The following FAT3 variants were observed in gnomAD, a reference collection of about 807,000 sequenced individuals.
FAT3 encodes the protein protocadherin Fat 3.
In FAT3, 95 loss-of-function variants were observed where a neutral mutation model predicts 310.2. That is an observed-to-expected ratio of 0.31 (90% CI 0.26 to 0.36). The LOEUF is 0.36. FAT3 is among the 10% of genes least tolerant of loss of function. The probability of loss-of-function intolerance (pLI) is 1.00; values close to 1 mark genes in which losing one functional copy is unlikely to be tolerated. For synonymous variants in FAT3, 2,314 were observed against 2,192.9 expected (o/e 1.06, Z -1.54); for missense variants, 5,408 against 5,715.6 (o/e 0.95, Z 1.74).
chr11:92,470,200 C>T (rs1213456365), intron 2 of FAT3, among the ~76,000 whole-genome samples: 1 of 152,160 alleles, frequency 6.6e-6, no homozygotes, highest in Non-Finnish European at 1.5e-5. Flanking sequence ...CTCTTCCATA[C>T]TTGACCTTGA....
At chr11:92,812,095 T>A (rs1005980192) in intron 13 of FAT3, among the ~76,000 whole-genome samples, 1 of 152,176 alleles carries the variant, frequency 6.6e-6, no homozygotes, top group African/African-American at 2.4e-5. Context: ...TCCCTGGGTA[T>A]CAATGATTGG....
chr11:92,352,151 T>C lies in FAT3; in HGVS notation c.39T>C (p.Pro13=), dbSNP rs750453908. Residue 13 remains proline (P), a synonymous_variant, in exon 2 of 28, where the codon CCT becomes CCC. Coordinates refer to ENST00000525166, the MANE Select transcript of FAT3 (RefSeq NM_001367949.2). ...TGGGACACTGTGTGGGCACACGGCCTCCTGCTTGTTGCCTCATCCTCCTGC... is the reference window on the plus strand; with the variant it reads ...TGGGACACTGTGTGGGCACACGGCCCCCTGCTTGTTGCCTCATCCTCCTGC... ...IIMGHCVGTR[P]PACCLILLLF... 1 of 1,367,936 alleles carries C rather than the reference T, an allele frequency of 7.3e-7. No individual in the cohort carries two copies. The highest frequency in any genetic ancestry group is 1.1e-5 in the South Asian group (1 of 87,794). The allele number at this position is 1,367,936 out of a possible 1,614,324, so 84.7% of individuals were successfully genotyped here.
At chr11:92,687,042 G>A (rs1209839602) in intron 3 of FAT3, among the ~76,000 whole-genome samples, 1 of 152,060 alleles carries the variant, frequency 6.6e-6, no homozygotes, top group Non-Finnish European at 1.5e-5. Flanking sequence ...ACATTTTGGG[G>A]GTTGAACAAT....
At position 92,565,697 on chromosome 11, in the gene FAT3, G is replaced by A. The variant is rs1285741547; in HGVS notation, c.3607+40749G>A. On this transcript the variant is annotated intron_variant, in intron 3 of 27. Coordinates refer to ENST00000525166, the MANE Select transcript of FAT3 (RefSeq NM_001367949.2). ...CAAAAAGCTTATCCACCATGATCAAGTGGGCTTCATCCCTGGGATGCAAGG... is the reference window on the plus strand; with the variant it reads ...CAAAAAGCTTATCCACCATGATCAAATGGGCTTCATCCCTGGGATGCAAGG... Among the ~76,000 whole-genome samples the A allele has an allele frequency of 3.3e-5, 5 of 150,668 alleles. No homozygotes were observed. In the South Asian group the frequency reaches 1.1e-3, roughly 32 times the overall value.
At chr11:92,582,080 A>C (rs1938832615) in intron 3 of FAT3, among the ~76,000 whole-genome samples, 1 of 151,964 alleles carries the variant, frequency 6.6e-6, no homozygotes, top group African/African-American at 2.4e-5. Context: ...CATATAGGGT[A>C]ACTTCCTGAC....
At chr11:92,840,190 C>T (rs995973504) in intron 17 of FAT3, among the ~76,000 whole-genome samples, 2 of 152,156 alleles carry the variant, frequency 1.3e-5, no homozygotes, top group Admixed American at 1.3e-4. Context: ...AAGTGCCTCC[C>T]CATCCCAGTG....
chr11:92,508,877 T>G (rs1953199033), intron 2 of FAT3, among the ~76,000 whole-genome samples: 1 of 152,184 alleles, frequency 6.6e-6, no homozygotes, highest in Admixed American at 6.6e-5. Context: ...GAAAATGTTC[T>G]TGCTTGAAGA....
At chr11:92,857,614 G>A (rs76813687) in intron 20 of FAT3, among the ~76,000 whole-genome samples, 2,534 of 152,272 alleles carry the variant, frequency 0.017, 36 homozygotes, top group Non-Finnish European at 0.023. Flanking sequence ...ATGTCTCATG[G>A]CTGTTAAGGG....
rs752563760 is a variant in FAT3 at position 92,882,881 on chromosome 11, A to G, written c.12425A>G (p.Asn4142Ser). 1.7e-5 allele frequency: 27 copies of G among 1,612,604 alleles called. No individual in the cohort carries two copies. The highest frequency in any genetic ancestry group is 2.0e-5 in the Non-Finnish European group (24 of 1,179,498). Residue 4142 changes from asparagine to serine, a missense_variant, in exon 24 of 28, where the codon AAT (asparagine) becomes AGT (serine). Coordinates refer to ENST00000525166, the MANE Select transcript of FAT3 (RefSeq NM_001367949.2). ...YCGLRPVVVP[N>S]IQAGHSYVGK... ...GGGCTGCGCCCCGTGGTGGTACCCA[A>G]TATCCAGGCTGGCCACTCCTACGTG... is the stretch of plus-strand genomic sequence containing the variant.
At chr11:92,775,889 A>G (rs1321735442) in intron 7 of FAT3, among the ~76,000 whole-genome samples, 2 of 152,156 alleles carry the variant, frequency 1.3e-5, no homozygotes, top group Non-Finnish European at 2.9e-5. Flanking sequence ...GTTTCCGGGT[A>G]TTTTCAAGGC....
intron 2 of FAT3, among the ~76,000 whole-genome samples, chr11:92,483,039 T>C (rs1376018655): frequency 1.3e-5 from 2 of 152,210 alleles, no homozygotes; most frequent in African/African-American, 2.4e-5. Context: ...TGTTTTGAAT[T>C]ACACTGGCAC....
At chr11:92,805,521 G>C (rs1421478634) in intron 11 of FAT3, among the ~76,000 whole-genome samples, 172 bp downstream of exon 11, 1 of 150,746 alleles carries the variant, frequency 6.6e-6, no homozygotes, top group Admixed American at 6.6e-5. Context: ...AACATGAAAA[G>C]AGTATAGGTA....
intron 1 of FAT3, among the ~76,000 whole-genome samples, chr11:92,320,256 C>A (rs1313835895): frequency 6.6e-6 from 1 of 152,156 alleles, no homozygotes; most frequent in Non-Finnish European, 1.5e-5. Flanking sequence ...GTCTTAGTTA[C>A]TTTTAGGCAG....
At position 92,844,115 on chromosome 11, in the gene FAT3, T is replaced by G; in HGVS notation, c.10748T>G (p.Val3583Gly). The change falls in exon 19 of 28, where the codon GTG (valine) becomes GGG (glycine). Residue 3583 changes from valine (V) to glycine (G), a missense_variant. Physicochemically the swap from Val to Gly is moderately radical, Grantham distance 109. Transcript: ENST00000525166. ...IHATDQDMYD[V>G]LTFALKSEQK... ...GCCACAGATCAAGACATGTATGATG[T>G]GCTCACATTTGCCCTGAAATCGGAG... 1 of 1,614,040 alleles carries G rather than the reference T, an allele frequency of 6.2e-7. No individual in the cohort carries two copies. The highest frequency in any genetic ancestry group is 1.3e-5 in the African/African-American group (1 of 75,052).
chr11:92,479,267 T>A (rs1051488321), intron 2 of FAT3, among the ~76,000 whole-genome samples: 3 of 151,082 alleles, frequency 2.0e-5, no homozygotes, highest in Admixed American at 1.3e-4. Context: ...CTCCTCAGCC[T>A]CCCAAAGTGC....
intron 3 of FAT3, among the ~76,000 whole-genome samples, chr11:92,559,995 T>C (rs1188626229): frequency 6.6e-6 from 1 of 152,206 alleles, no homozygotes; most frequent in Non-Finnish European, 1.5e-5. Context: ...TTGGAGCATA[T>C]GGTTACTACT....
intron 4 of FAT3, among the ~76,000 whole-genome samples, chr11:92,709,209 A>G (rs1242508024): frequency 5.3e-5 from 8 of 152,174 alleles, no homozygotes; most frequent in Non-Finnish European, 1.0e-4. Flanking sequence ...AATTGTGTTT[A>G]TTTGTTAATG....
intron 6 of FAT3, among the ~76,000 whole-genome samples, chr11:92,773,098 T>C (rs1178910833): frequency 6.6e-6 from 1 of 152,184 alleles, no homozygotes; most frequent in Non-Finnish European, 1.5e-5. Flanking sequence ...CATACACTCA[T>C]GCTTAATTAA....
chr11:92,643,775 C>T (rs1460540366), intron 3 of FAT3, among the ~76,000 whole-genome samples: 1 of 152,212 alleles, frequency 6.6e-6, no homozygotes, highest in Non-Finnish European at 1.5e-5. Context: ...TGTGCAAACA[C>T]ACCAAGCCAC....
Sources: gnomAD v4.1 joint callset for allele counts (sites outside exome capture counted in the v4.1 genomes callset) on GRCh38, gnomAD v4.1.1 for gene constraint, MANE v1.5 for transcripts, NCBI Gene and HGNC (gene_info 2026-07-23, HGNC 2026-07-21) for gene names.